The following DNAJC6 variants were observed in gnomAD, a reference collection of about 807,000 sequenced individuals.
The protein encoded by DNAJC6 is DnaJ heat shock protein family (Hsp40) member C6, also known as auxilin.
A neutral mutation model predicts 110.0 loss-of-function variants in DNAJC6; 34 were observed. That is an observed-to-expected ratio of 0.31 (90% confidence interval 0.24 to 0.41). The LOEUF (loss-of-function observed/expected upper bound fraction) is 0.41, where lower values mean the gene tolerates loss of function less well. Among genes scored for constraint, DNAJC6 ranks in the 10% least tolerant of loss-of-function variants. The probability of loss-of-function intolerance (pLI) is 1.00; values close to 1 mark genes in which losing one functional copy is unlikely to be tolerated. For missense variants in DNAJC6, 1,031 were observed against 1,207.8 expected (o/e 0.85, Z 2.17); for synonymous variants, 406 against 437.2 (o/e 0.93, Z 0.89).
exon 1 of DNAJC6, chr1:65,264,928 TA>T: frequency 6.2e-7 from 1 of 1,612,670 alleles, no homozygotes; most frequent in Non-Finnish European, 8.5e-7. Context: ...ATTCTGAAAA[TA>T]AAGGTAAGGG....
In DNAJC6 at chr1:65,309,868, GA is replaced by G. The variant is rs1258883206; in HGVS notation, c.125del (p.Asn42ThrfsTer42). On this transcript the variant is annotated frameshift_variant, in exon 1 of 19. Coordinates refer to ENST00000371069, the MANE Select transcript of DNAJC6 (RefSeq NM_001256864.2). LOFTEE classifies it high-confidence loss of function. ...SGGVGGKQRV[N>X]AGAAARSPAR... ...GCGGGGTTGGCGGCAAGCAGAGAGT[GA>G]ACGCCGGGGCAGCGGCGCGGAGTCC... 6.5e-7 allele frequency: 1 copy of G among 1,547,744 alleles called. No homozygotes were observed. Among genetic ancestry groups the G allele is most frequent in the Middle Eastern group, 1.7e-4 (1 of 5,980 alleles).
intron 4 of DNAJC6, among the ~76,000 whole-genome samples, chr1:65,377,844 G>A (rs866336349): frequency 2.0e-5 from 3 of 152,134 alleles, no homozygotes; most frequent in African/African-American, 2.4e-5. Flanking sequence ...GAAGGAATTC[G>A]AGACATTTGG....
intron 4 of DNAJC6, among the ~76,000 whole-genome samples, chr1:65,373,624 A>ATT (rs1262673634): frequency 8.6e-6 from 1 of 116,792 alleles, no homozygotes; most frequent in Non-Finnish European, 1.9e-5. Context: ...CCAGTTTTTA[A>ATT]TTTGTTTTTT....
chr1:65,298,040 T>TA (rs67514205), intron 1 of DNAJC6, among the ~76,000 whole-genome samples: 1 of 151,524 alleles, frequency 6.6e-6, no homozygotes, highest in Non-Finnish European at 1.5e-5. Context: ...AATCATCCTT[T>TA]AAAAAAAACC....
chr1:65,327,226 T>C (rs1305835198), intron 1 of DNAJC6, among the ~76,000 whole-genome samples: 2 of 152,172 alleles, frequency 1.3e-5, no homozygotes, highest in Non-Finnish European at 2.9e-5. Flanking sequence ...CAGTGAGCAG[T>C]TGAGTACCTG....
At chr1:65,284,930 C>T (rs185527495) in intron 1 of DNAJC6, among the ~76,000 whole-genome samples, 3 of 152,164 alleles carry the variant, frequency 2.0e-5, no homozygotes, top group East Asian at 3.9e-4. Flanking sequence ...TCAGGTGATC[C>T]GCCCACCTCA....
At chr1:65,299,435 C>T (rs138968687) in intron 1 of DNAJC6, among the ~76,000 whole-genome samples, 37 of 152,292 alleles carry the variant, frequency 2.4e-4, no homozygotes, top group Non-Finnish European at 5.9e-5. Context: ...CAGGGGTCCA[C>T]AGCTCTGGGC....
intron 1 of DNAJC6, among the ~76,000 whole-genome samples, chr1:65,287,169 G>T (rs369710708): frequency 6.6e-6 from 1 of 152,210 alleles, no homozygotes; most frequent in East Asian, 1.9e-4. Flanking sequence ...ATATGTACTA[G>T]TCTGTCAGAT....
At chr1:65,294,955 T>C (rs1345832543) in intron 1 of DNAJC6, among the ~76,000 whole-genome samples, 1 of 152,246 alleles carries the variant, frequency 6.6e-6, no homozygotes, top group Non-Finnish European at 1.5e-5. Flanking sequence ...TTATTATTTT[T>C]GCTACATTTA....
At chr1:65,406,848 G>A (rs1359247041) in intron 16 of DNAJC6, among the ~76,000 whole-genome samples, 1 of 152,188 alleles carries the variant, frequency 6.6e-6, no homozygotes, top group African/African-American at 2.4e-5. Flanking sequence ...ACCCTCCAAT[G>A]AAGTACATAG....
chr1:65,300,305 G>C (rs1356484418), intron 1 of DNAJC6, among the ~76,000 whole-genome samples: 1 of 152,052 alleles, frequency 6.6e-6, no homozygotes, highest in African/African-American at 2.4e-5. Context: ...TTAACTCATG[G>C]TCCAAGTACC....
intron 1 of DNAJC6, among the ~76,000 whole-genome samples, chr1:65,355,769 A>G (rs1296848718): frequency 6.6e-6 from 1 of 152,050 alleles, no homozygotes; most frequent in Non-Finnish European, 1.5e-5. Context: ...TCAAAAGTGA[A>G]GAGTTTCCAT....
intron 1 of DNAJC6, among the ~76,000 whole-genome samples, chr1:65,316,382 G>A (rs947688653): frequency 6.6e-6 from 1 of 152,022 alleles, no homozygotes; most frequent in African/African-American, 2.4e-5. Flanking sequence ...TTCCTTAATC[G>A]CAGGCTGCAT....
chr1:65,307,002 CTCTCTCTCTCTCTCTCTATATA>C (rs777535112), upstream of DNAJC6, among the ~76,000 whole-genome samples: 1,526 of 111,252 alleles, frequency 0.014, 44 homozygotes, highest in African/African-American at 0.043. Flanking sequence ...CTCTCTCTCT[CTCTCTCTCTCTCTCTCTATATA>C]TATATATATA....
chr1:65,357,887 T>A (rs1335808673), intron 1 of DNAJC6, among the ~76,000 whole-genome samples: 2 of 152,126 alleles, frequency 1.3e-5, no homozygotes, highest in African/African-American at 4.8e-5. Flanking sequence ...ATTGTAAAAC[T>A]AATGAATGTG....
At chr1:65,392,072 G>A (rs1041871667) in intron 11 of DNAJC6, among the ~76,000 whole-genome samples, 1 of 152,088 alleles carries the variant, frequency 6.6e-6, no homozygotes. Flanking sequence ...CACCACGCCC[G>A]GCCGTTAGGT....
chr1:65,288,866 A>G (rs1654104140), intron 1 of DNAJC6, among the ~76,000 whole-genome samples: 2 of 152,142 alleles, frequency 1.3e-5, no homozygotes. Flanking sequence ...TCATTCCTAT[A>G]TAGTATTCCA....
At chr1:65,288,574 A>C (rs775926413) in intron 1 of DNAJC6, among the ~76,000 whole-genome samples, 8 of 152,182 alleles carry the variant, frequency 5.3e-5, no homozygotes, top group Non-Finnish European at 1.0e-4. Context: ...GTACACAGAA[A>C]AGTGTAAAGC....
chr1:65,276,838 A>G (rs1653689766), intron 1 of DNAJC6, among the ~76,000 whole-genome samples: 1 of 152,160 alleles, frequency 6.6e-6, no homozygotes, highest in Non-Finnish European at 1.5e-5. Context: ...GAAACTGTCT[A>G]AAATTCTGCA....
Sources: gnomAD v4.1 joint callset for allele counts (sites outside exome capture counted in the v4.1 genomes callset) on GRCh38, gnomAD v4.1.1 for gene constraint, MANE v1.5 for transcripts, NCBI Gene and HGNC (gene_info 2026-07-23, HGNC 2026-07-21) for gene names.